The following CR1 variants were observed in gnomAD, a reference collection of about 807,000 sequenced individuals.
CR1 encodes the protein complement receptor type 1.
CR1 carries 116 observed loss-of-function variants against 187.3 expected under a neutral mutation model. The observed-to-expected ratio is 0.62, with a 90% confidence interval of 0.53 to 0.72. The LOEUF is 0.72. CR1 is among the 30% of genes least tolerant of loss of function. The pLI is 0.00. For missense variants in CR1, 1,731 were observed against 2,110.7 expected, an observed-to-expected ratio of 0.82 and a Z score of 3.52; for synonymous variants, 576 against 747.1, an observed-to-expected ratio of 0.77 and a Z score of 3.73.
At position 207,575,776 on chromosome 1, in the gene CR1, G is replaced by C. The variant is rs1660725754; in HGVS notation, c.4537+96G>C. On this transcript the variant is annotated intron_variant, in intron 28 of 46. Transcript: ENST00000367049. ...AATGGATCTCATCCCTCTTGGAAAT[G>C]GTATCCTTCTGATATTTGAAGAATC... 3.2e-6 allele frequency: 5 copies of C among 1,573,426 alleles called. No homozygotes were observed. In the South Asian group the frequency reaches 5.6e-5, roughly 17 times the overall value.
At chr1:207,618,521 A>G in intron 42 of CR1, among the ~76,000 whole-genome samples, 1 of 152,176 alleles carries the variant, frequency 6.6e-6, no homozygotes, top group East Asian at 1.9e-4. Context: ...TTCTGTTTTA[A>G]AGTGGGGTCA....
At chr1:207,577,782 T>A (rs1660800120) in intron 28 of CR1, 23 bp from the exon 29 acceptor site, 1 of 1,612,994 alleles carries the variant, frequency 6.2e-7, no homozygotes, top group Admixed American at 1.7e-5. Flanking sequence ...TTTGTTTTGG[T>A]TAACTTGCTG....
chr1:207,505,898 C>A lies in CR1; in HGVS notation c.122-6C>A. On this transcript the variant is annotated splice_region_variant and splice_polypyrimidine_tract_variant and intron_variant, in intron 1 of 46. Coordinates refer to ENST00000367049, the MANE Select transcript of CR1 (RefSeq NM_000651.6). Reference sequence around the variant, plus strand: ...ACTTTGATGCTTCTATGGTCTTGATCTCCAGGTCAATGCAATGCCCCAGAA... The same window carrying A: ...ACTTTGATGCTTCTATGGTCTTGATATCCAGGTCAATGCAATGCCCCAGAA... 6.2e-7 allele frequency: 1 copy of A among 1,611,470 alleles called. No individual in the cohort carries two copies. Among genetic ancestry groups the A allele is most frequent in the South Asian group, 1.1e-5 (1 of 90,630 alleles).
At chr1:207,588,615 G>A in intron 34 of CR1, 60 bp from the exon 35 acceptor site, 2 of 1,152,204 alleles carry the variant, frequency 1.7e-6, no homozygotes, top group Non-Finnish European at 2.6e-6. Flanking sequence ...ACTCCAGTCT[G>A]AACCTTACAA....
intron 35 of CR1, among the ~76,000 whole-genome samples, chr1:207,595,441 A>C (rs1661402998): frequency 1.3e-5 from 2 of 152,122 alleles, no homozygotes; most frequent in African/African-American, 2.4e-5. Context: ...CATGGAAGAA[A>C]ATTATGCCAT....
chr1:207,614,139 A>G (rs1662024060), intron 39 of CR1, among the ~76,000 whole-genome samples: 1 of 152,188 alleles, frequency 6.6e-6, no homozygotes, highest in Non-Finnish European at 1.5e-5. Context: ...TGAAGTTTAT[A>G]TGGCAATTAT....
At chr1:207,585,525 T>A (rs1661087898) in intron 33 of CR1, among the ~76,000 whole-genome samples, 1 of 152,070 alleles carries the variant, frequency 6.6e-6, no homozygotes, top group Non-Finnish European at 1.5e-5. Context: ...GGGGAAGAAG[T>A]TGCCTGGTCC....
At position 207,623,053 on chromosome 1, in the gene CR1, T is replaced by C; in HGVS notation, c.7337T>C (p.Leu2446Pro). 1.9e-6 allele frequency: 3 copies of C among 1,577,970 alleles called. No individual in the cohort carries two copies. The South Asian group carries it at 3.5e-5, about 18-fold the overall frequency. ...LLIIFLSWII[L>P]KHRKGNNAHE... ...ATCATTTTCCTCTCTTGGATAATTC[T>C]AAAGCACAGAAAAGGGTAAGTATAG... Residue 2446 changes from leucine to proline, a missense_variant, in exon 45 of 47, where the codon CTA becomes CCA. By Grantham distance (98) the Leu-to-Pro change is moderately conservative. This residue lies in a region of CR1 where 1,312 missense variants were observed against 1,379.6 expected (regional missense o/e 0.95). Coordinates refer to ENST00000367049, the MANE Select transcript of CR1 (RefSeq NM_000651.6).
At chr1:207,602,297 C>T (rs1250573156) in intron 35 of CR1, among the ~76,000 whole-genome samples, 1 of 151,666 alleles carries the variant, frequency 6.6e-6, no homozygotes, top group Non-Finnish European at 1.5e-5. Context: ...AAATTATAGC[C>T]ATAATTAAAG....
chr1:207,607,034 G>T (rs1661771945), intron 35 of CR1, among the ~76,000 whole-genome samples: 1 of 152,168 alleles, frequency 6.6e-6, no homozygotes, highest in Non-Finnish European at 1.5e-5. Flanking sequence ...AGTTGTGAGG[G>T]ATTAGGAATA....
chr1:207,611,322 G>A (rs1017647627), intron 37 of CR1, among the ~76,000 whole-genome samples: 5 of 152,216 alleles, frequency 3.3e-5, no homozygotes, highest in Admixed American at 1.3e-4. Context: ...TTACGCATGA[G>A]CTTGAGGGAC....
At chr1:207,599,987 A>G (rs1402691861) in intron 35 of CR1, among the ~76,000 whole-genome samples, 1 of 152,240 alleles carries the variant, frequency 6.6e-6, no homozygotes, top group Non-Finnish European at 1.5e-5. Flanking sequence ...TGTTTTGAGC[A>G]AGAGACGGCA....
At chr1:207,510,092 A>G (rs1227033001) in intron 3 of CR1, among the ~76,000 whole-genome samples, 3 of 152,158 alleles carry the variant, frequency 2.0e-5, no homozygotes, top group Non-Finnish European at 4.4e-5. Flanking sequence ...CTGTAGTCCC[A>G]GCAGCTAAGG....
At chr1:207,619,376 C>CAA (rs67078800) in intron 42 of CR1, among the ~76,000 whole-genome samples, 4 of 92,640 alleles carry the variant, frequency 4.3e-5, no homozygotes, top group African/African-American at 8.5e-5. Flanking sequence ...CAGTGAGACT[C>CAA]AAAAAAAAAA....
At chr1:207,500,239 T>A (rs529435961) in intron 1 of CR1, among the ~76,000 whole-genome samples, 5 of 152,372 alleles carry the variant, frequency 3.3e-5, no homozygotes, top group African/African-American at 1.2e-4. Context: ...TTATTTTATC[T>A]GTGTTACATT....
rs183283437 is a variant in CR1, at chr1:207,566,757, A to C, written c.3952+834A>C. On this transcript the variant is annotated intron_variant, in intron 24 of 46. Coordinates refer to ENST00000367049, the MANE Select transcript of CR1 (RefSeq NM_000651.6). ...GTAGACTACTGATTTCTCCTAGTCT[A>C]CCCATGTATAATTTCCCCAATGGAA... is the stretch of plus-strand genomic sequence containing the variant. 1.6e-3 allele frequency among the ~76,000 whole-genome samples: 238 copies of C among 150,332 alleles called. 2 individuals are homozygous for C. Among genetic ancestry groups the C allele is most frequent in the East Asian group, 0.014 (72 of 5,178 alleles).
At chr1:207,633,118 G>T (rs866116729) in intron 46 of CR1, among the ~76,000 whole-genome samples, 1 of 152,008 alleles carries the variant, frequency 6.6e-6, no homozygotes, top group African/African-American at 2.4e-5. Context: ...ACACTTTTCC[G>T]CCTTTCTTTC....
rs1661840454 is a variant in CR1 at position 207,609,303 on chromosome 1, G to A, written c.5910G>A (p.Glu1970=). ...KAPICEIISC[E]PPPTISNGDF... is the part of the protein sequence containing the mutation. The stretch of plus-strand genomic sequence containing the variant: ...TCCTTCTCTCAGTCATATCTTGTGA[G>A]CCACCTCCAACCATATCCAATGGAG... The change falls in exon 37 of 47, where the codon GAG becomes GAA. Residue 1970 remains glutamate, a synonymous_variant. Transcript: ENST00000367049. 2 of 1,608,280 alleles carry A rather than the reference G, an allele frequency of 1.2e-6. No homozygotes were observed. Among genetic ancestry groups the A allele is most frequent in the Non-Finnish European group, 1.7e-6 (2 of 1,175,948 alleles).
Position 207,607,256 on chromosome 1 carries a change from G to T in CR1, c.5816G>T (p.Arg1939Leu), listed in dbSNP as rs568081345. Reference protein sequence around the residue: ...TVNYSCNEGFRLIGSPSTTCL... With the variant: ...TVNYSCNEGFLLIGSPSTTCL... ...TTTTCTATCCTTTGCTTTAGGTTTC[G>T]ACTCATTGGTTCCCCATCTACTACT... Residue 1939 changes from arginine (R) to leucine (L), a missense_variant, in exon 36 of 47, where the codon CGA (arginine) becomes CTA (leucine). This residue lies in a region of CR1 where 1,312 missense variants were observed against 1,379.6 expected (regional missense o/e 0.95). Coordinates refer to ENST00000367049, the MANE Select transcript of CR1 (RefSeq NM_000651.6). 4.3e-6 allele frequency: 7 copies of T among 1,612,680 alleles called. No homozygotes were observed. In the African/African-American group the frequency reaches 8.0e-5, roughly 18 times the overall value.
Sources: allele counts gnomAD v4.1 joint callset (sites outside exome capture counted in the v4.1 genomes callset), GRCh38; gene constraint gnomAD v4.1.1; regional missense constraint gnomAD v4.1.1; transcripts MANE v1.5; gene names NCBI Gene and HGNC (gene_info 2026-07-23, HGNC 2026-07-21).